DDX27: variants seen among roughly 807,000 people sequenced by gnomAD.
DDX27 encodes the protein probable ATP-dependent RNA helicase DDX27.
Under a neutral mutation model 99.3 loss-of-function variants are expected in DDX27, and 42 were observed. The ratio of observed to expected loss-of-function variants is 0.42; its 90% CI spans 0.33 to 0.55. The LOEUF (loss-of-function observed/expected upper bound fraction) is 0.55. Ranked by LOEUF, DDX27 falls within the 20% of genes least tolerant of loss-of-function variation. DDX27 has a pLI of 0.07. For missense variants in DDX27, 798 were observed against 976.8 expected, an observed-to-expected ratio of 0.82 and a Z score of 2.44; for synonymous variants, 329 against 353.8, an observed-to-expected ratio of 0.93 and a Z score of 0.79.
At chr20:49,231,104 C>G (rs1355723382) in intron 9 of DDX27, 1 of 152,474 alleles carries the variant, frequency 6.6e-6, no homozygotes, top group Non-Finnish European at 1.5e-5. Flanking sequence ...GAGCCATCTC[C>G]TGCCCCTTCA....
intron 1 of DDX27, among the ~76,000 whole-genome samples, chr20:49,221,086 C>T (rs1427344692): frequency 6.6e-6 from 1 of 152,178 alleles, no homozygotes; most frequent in African/African-American, 2.4e-5. Context: ...CTCAGCCTCC[C>T]TAGTAGCTGG....
Position 49,236,529 on chromosome 20 carries a change from G to A in DDX27, c.1687+19G>A. 2 of 1,558,706 alleles carry A rather than the reference G, an allele frequency of 1.3e-6. No individual in the cohort carries two copies. Among genetic ancestry groups the A allele is most frequent in the South Asian group, 2.4e-5 (2 of 82,552 alleles). ...CCCCAAGGTGAGCAGGCACCCCTGT[G>A]GCAGTGCAGAATGGCTCGGTGGGCG... On this transcript the variant is annotated intron_variant, in intron 14 of 20. Coordinates refer to ENST00000618172, the MANE Select transcript of DDX27 (RefSeq NM_017895.8). The surrounding 1 kb of genome is among the most constrained non-coding windows in gnomAD (Gnocchi z 4.1).
rs1435807912 is a variant in DDX27, at chr20:49,236,720, C to T, written c.1687+210C>T. ...AAGGGAATTATGACAGAATTGTAAA[C>T]ACAGTGCCCCATTTAGGTGGAAATT... On this transcript the variant is annotated intron_variant, in intron 14 of 20. Transcript: ENST00000618172. The surrounding 1 kb of genome is among the most constrained non-coding windows in gnomAD (Gnocchi z 4.1). Among the ~76,000 whole-genome samples the T allele has an allele frequency of 6.6e-6, 1 of 152,160 alleles. No homozygotes were observed. Among genetic ancestry groups the T allele is most frequent in the African/African-American group, 2.4e-5 (1 of 41,438 alleles).
At chr20:49,230,846 C>T (rs1042506563) in intron 9 of DDX27, among the ~76,000 whole-genome samples, 1 of 152,178 alleles carries the variant, frequency 6.6e-6, no homozygotes, top group Non-Finnish European at 1.5e-5. Context: ...GGAACTCTTC[C>T]TGAACTCTGG....
intron 9 of DDX27, among the ~76,000 whole-genome samples, chr20:49,231,432 G>A (rs1485424919): frequency 6.6e-6 from 1 of 152,178 alleles, no homozygotes; most frequent in Non-Finnish European, 1.5e-5. Flanking sequence ...AAGGGGATGT[G>A]ATCTGGTTTA....
chr20:49,222,337 T>C (rs2146705043), intron 2 of DDX27, among the ~76,000 whole-genome samples: 1 of 150,720 alleles, frequency 6.6e-6, no homozygotes, highest in African/African-American at 2.4e-5. Context: ...TGAGATGGAG[T>C]CTCACTCTAT....
At chr20:49,229,062 G>T (rs1416214545) in intron 8 of DDX27, among the ~76,000 whole-genome samples, 174 bp downstream of exon 8, 4 of 146,546 alleles carry the variant, frequency 2.7e-5, no homozygotes, top group African/African-American at 1.0e-4. Flanking sequence ...TGAGACGGAG[G>T]AGTCTCGCTC....
intron 16 of DDX27, 200 bp from the exon 17 acceptor site, chr20:49,241,693 T>C: frequency 1.6e-6 from 1 of 627,482 alleles, no homozygotes; most frequent in Non-Finnish European, 2.8e-6. Context: ...GATCCCAAAC[T>C]CCTGACCTCA....
chr20:49,236,576 G>A lies in DDX27; in HGVS notation c.1687+66G>A, dbSNP rs1225818644. The A allele has an allele frequency of 2.1e-6, 3 of 1,449,872 alleles. No individual in the cohort carries two copies. The highest frequency in any genetic ancestry group is 2.9e-5 in the African/African-American group (2 of 70,042). 89.8% of individuals were successfully genotyped at this position (1,449,872 alleles called of 1,614,324 possible). The stretch of plus-strand genomic sequence containing the variant: ...GGCGGGGCAAGGACAGAGTGTAATG[G>A]CTGAGAGCAGGTACTTTGCAGTTCA... On this transcript the variant is annotated intron_variant, in intron 14 of 20. Coordinates refer to ENST00000618172, the MANE Select transcript of DDX27 (RefSeq NM_017895.8). The surrounding 1 kb of genome is among the most constrained non-coding windows in gnomAD (Gnocchi z 4.1).
chr20:49,229,119 G>A (rs1177619069), intron 8 of DDX27, among the ~76,000 whole-genome samples: 2 of 147,000 alleles, frequency 1.4e-5, no homozygotes, highest in African/African-American at 5.1e-5. Context: ...CTCACTGCAA[G>A]CTCCGCCTCC....
intron 2 of DDX27, 70 bp downstream of exon 2, chr20:49,221,668 A>AG: frequency 8.8e-6 from 12 of 1,362,990 alleles, no homozygotes; most frequent in South Asian, 1.5e-5. Context: ...TTCAGGGCCT[A>AG]GCCCTGACCT....
At position 49,236,428 on chromosome 20, in the gene DDX27, G is replaced by A. The variant is rs1400128405; in HGVS notation, c.1605G>A (p.Leu535=). The A allele has an allele frequency of 8.1e-6, 13 of 1,613,164 alleles. No individual in the cohort carries two copies. The highest frequency in any genetic ancestry group is 1.0e-5 in the Non-Finnish European group (12 of 1,179,714). The change falls in exon 14 of 21, where the codon CTG becomes CTA. Residue 535 remains leucine, a synonymous_variant. Coordinates refer to ENST00000618172, the MANE Select transcript of DDX27 (RefSeq NM_017895.8). This position sits in a 1 kb window ranked among gnomAD's most constrained non-coding sequence, Gnocchi z 4.1. ...RAGRAGRSVS[L]VGEDERKMLK... ...GCAGGGCTGGGCGCTCAGTCTCTCT[G>A]GTGGGAGAAGATGAGCGGAAGATGC... is the stretch of plus-strand genomic sequence containing the variant.
Position 49,221,501 on chromosome 20 carries a change from GTGC to G in DDX27, c.146_148del (p.Ala49del), listed in dbSNP as rs1447621843. The G allele has an allele frequency of 5.6e-6, 9 of 1,613,836 alleles. No homozygotes were observed. The African/African-American group carries it at 1.2e-4, about 22-fold the overall frequency. On this transcript the variant is annotated inframe_deletion, in exon 2 of 21. Coordinates refer to ENST00000618172, the MANE Select transcript of DDX27 (RefSeq NM_017895.8). ...CAAAAAGCTTTGGGGAAGAACCGCA[GTGC>G]TGATTTCAACCCTGATTTCGTTTTC...
chr20:49,222,984 A>T lies in DDX27; in HGVS notation c.268A>T (p.Ile90Phe). 6 of 1,613,342 alleles carry T rather than the reference A, an allele frequency of 3.7e-6. No homozygotes were observed. The highest frequency in any genetic ancestry group is 5.1e-6 in the Non-Finnish European group (6 of 1,179,732). Residue 90 changes from isoleucine to phenylalanine, a missense_variant, in exon 3 of 21, where the codon ATT (isoleucine) becomes TTT (phenylalanine). Physicochemically the swap from Ile to Phe is conservative, Grantham distance 21. Coordinates refer to ENST00000618172, the MANE Select transcript of DDX27 (RefSeq NM_017895.8). ...GGCAGCCACTACATTAGATGAGAAG[A>T]TTGAGAAAGTTCGAAAGAAAAGGAA... ...KRAATTLDEK[I>F]EKVRKKRKTE...
Position 49,243,806 on chromosome 20 carries a change from T to C in DDX27, c.2280-10T>C, listed in dbSNP as rs370309296. On this transcript the variant is annotated splice_polypyrimidine_tract_variant and intron_variant, in intron 20 of 20. Transcript: ENST00000618172. ...TCCTCATTCTGGTCTTAACTCTGATTTTCTTACAGATACAAGAGGAGGAAG... is the reference window on the plus strand; with the variant it reads ...TCCTCATTCTGGTCTTAACTCTGATCTTCTTACAGATACAAGAGGAGGAAG... 2.3e-4 allele frequency: 375 copies of C among 1,614,096 alleles called. No individual in the cohort carries two copies. The highest frequency in any genetic ancestry group is 3.1e-4 in the Non-Finnish European group (361 of 1,180,040).
chr20:49,235,265 C>A, intron 12 of DDX27, 177 bp downstream of exon 12: 1 of 613,244 alleles, frequency 1.6e-6, no homozygotes, highest in Non-Finnish European at 2.5e-6. Context: ...GTGTTTAGAA[C>A]TCTAACTTCA....
rs1979678961 is a variant in DDX27, at chr20:49,221,434, G to A, written c.94-18G>A. On this transcript the variant is annotated intron_variant, in intron 1 of 20. Coordinates refer to ENST00000618172, the MANE Select transcript of DDX27 (RefSeq NM_017895.8). ...TTTATCTCAGCCCCAAAGTCACTCT[G>A]TCTCTTACTCTTCCCAGGGGCCCAT... 1 of 1,612,730 alleles carries A rather than the reference G, an allele frequency of 6.2e-7. No homozygotes were observed. Among genetic ancestry groups the A allele is most frequent in the Non-Finnish European group, 8.5e-7 (1 of 1,179,860 alleles).
Position 49,241,990 on chromosome 20 carries a change from G to C in DDX27, c.1992+3G>C. The C allele has an allele frequency of 6.2e-7, 1 of 1,613,892 alleles. No homozygotes were observed. The highest frequency in any genetic ancestry group is 8.5e-7 in the Non-Finnish European group (1 of 1,179,930). On this transcript the variant is annotated splice_donor_region_variant and intron_variant, in intron 17 of 20. Transcript: ENST00000618172. ...CCAAAAAAAAGGGGGAGATGACAGTGAGTGGCCTCCCTTTTGGAGTTTGGG... is the reference window on the plus strand; with the variant it reads ...CCAAAAAAAAGGGGGAGATGACAGTCAGTGGCCTCCCTTTTGGAGTTTGGG...
Position 49,238,996 on chromosome 20 carries a change from G to T in DDX27, c.1735G>T (p.Val579Leu). 1 of 1,614,176 alleles carries T rather than the reference G, an allele frequency of 6.2e-7. No individual in the cohort carries two copies. Residue 579 changes from valine (V) to leucine (L), a missense_variant, in exon 15 of 21, where the codon GTG (valine) becomes TTG (leucine). By Grantham distance (32) the Val-to-Leu change is conservative. Around this residue, in one of 2 missense-constraint regions of DDX27, gnomAD observed 553 missense variants for 727.9 expected, o/e 0.76. Coordinates refer to ENST00000618172, the MANE Select transcript of DDX27 (RefSeq NM_017895.8). Reference sequence around the variant, plus strand: ...CAAGATTGAGAAAATGGAGAAAGATGTGTATGCAGTTCTGCAGCTAGAGGC... The same window carrying T: ...CAAGATTGAGAAAATGGAGAAAGATTTGTATGCAGTTCTGCAGCTAGAGGC... ...RDKIEKMEKD[V>L]YAVLQLEAEE...
Sources: allele counts gnomAD v4.1 joint callset (sites outside exome capture counted in the v4.1 genomes callset), GRCh38; gene constraint gnomAD v4.1.1; regional missense constraint gnomAD v4.1.1; non-coding constraint Gnocchi (gnomAD v3.1); transcripts MANE v1.5; gene names NCBI Gene and HGNC (gene_info 2026-07-23, HGNC 2026-07-21).